Variants in CARMIL2 observed in about 807,000 individuals in gnomAD.
The protein encoded by CARMIL2 is capping protein, Arp2/3 and myosin-I linker protein 2.
A neutral mutation model predicts 173.3 loss-of-function variants in CARMIL2; 96 were observed. The observed-to-expected ratio is 0.55, with a 90% CI of 0.47 to 0.66. The LOEUF (loss-of-function observed/expected upper bound fraction) is 0.66. CARMIL2 is among the 30% of genes least tolerant of loss of function. The pLI, the probability that CARMIL2 is intolerant of heterozygous loss-of-function variation, is 0.00. For synonymous variants in CARMIL2, 830 were observed against 817.1 expected, an observed-to-expected ratio of 1.02 and a Z score of -0.27; for missense variants, 1,771 against 1,906.7, an observed-to-expected ratio of 0.93 and a Z score of 1.33.
chr16:67,654,938 G>A, intron 32 of CARMIL2, 38 bp downstream of exon 32: 3 of 1,610,376 alleles, frequency 1.9e-6, no homozygotes, highest in Non-Finnish European at 2.5e-6. Context: ...TGAGAGGGCA[G>A]ATGGCATGCT....
rs1234694058 is a variant in CARMIL2, at chr16:67,656,851, G to A, written c.4087G>A (p.Val1363Met). 4.5e-6 allele frequency: 7 copies of A among 1,550,432 alleles called. No individual in the cohort carries two copies. The highest frequency in any genetic ancestry group is 1.2e-5 in the South Asian group (1 of 84,064). ...PLSAGRRAVS[V>M]HEDQLQAPAE... ...CTCGGCAGGGCGGCGAGCAGTGTCTGTGCATGAGGACCAGCTCCAGGCCCC... is the reference window on the plus strand; with the variant it reads ...CTCGGCAGGGCGGCGAGCAGTGTCTATGCATGAGGACCAGCTCCAGGCCCC... The change falls in exon 36 of 38, where the codon GTG becomes ATG. Residue 1363 changes from valine (V) to methionine (M), a missense_variant. Val to Met is a conservative substitution (Grantham distance 21). Coordinates refer to ENST00000334583, the MANE Select transcript of CARMIL2 (RefSeq NM_001013838.3).
rs756712783 is a variant in CARMIL2 at position 67,647,377 on chromosome 16, A to G, written c.766A>G (p.Ser256Gly). ...HLEELVLETC[S>G]LRGDFVRRLA... ...GGAGGAGCTGGTGCTGGAGACCTGC[A>G]GCCTGAGGGGGTGAGGGGGACAGGG... The change falls in exon 10 of 38, where the codon AGC becomes GGC. Residue 256 changes from serine to glycine, a missense_variant. Ser to Gly is a moderately conservative substitution (Grantham distance 56). This residue lies in a region of CARMIL2 where 944 missense variants were observed against 975.6 expected (regional missense o/e 0.97). Coordinates refer to ENST00000334583, the MANE Select transcript of CARMIL2 (RefSeq NM_001013838.3). The G allele has an allele frequency of 1.3e-6, 2 of 1,578,190 alleles. No individual in the cohort carries two copies. The highest frequency in any genetic ancestry group is 3.7e-5 in the Admixed American group (2 of 53,748).
rs556584005 is a variant in CARMIL2, at chr16:67,645,345, A to T, written c.40+59A>T. The T allele has an allele frequency of 2.0e-4, 312 of 1,547,550 alleles. 1 individual carries two copies. The South Asian group carries it at 3.3e-3, about 16-fold the overall frequency. On this transcript the variant is annotated intron_variant, in intron 1 of 37. Transcript: ENST00000334583. The stretch of plus-strand genomic sequence containing the variant: ...GAGGAAGTAGTGCAGCCCCAAAATC[A>T]GAGGCCCACCCAGCGCCCCAGAGGG...
At position 67,652,994 on chromosome 16, in the gene CARMIL2, TG is replaced by T; in HGVS notation, c.2885-24del. On this transcript the variant is annotated intron_variant, in intron 28 of 37. Transcript: ENST00000334583. This position sits in a 1 kb window ranked among gnomAD's most constrained non-coding sequence, Gnocchi z 4.7. Reference sequence around the variant, plus strand: ...CCACCTCCCCGGGCTCGGCGCTCGGTGCTCTTCTGGTGCTGTCCCCTCAGGT... The same window carrying T: ...CCACCTCCCCGGGCTCGGCGCTCGGTCTCTTCTGGTGCTGTCCCCTCAGGT... The T allele has an allele frequency of 8.2e-7, 1 of 1,216,766 alleles. No homozygotes were observed. The highest frequency in any genetic ancestry group is 1.1e-6 in the Non-Finnish European group (1 of 943,370). 75.4% of individuals were successfully genotyped at this position (1,216,766 alleles called of 1,614,324 possible).
chr16:67,645,384 C>T (rs2052574454), intron 1 of CARMIL2, 98 bp downstream of exon 1: 2 of 1,422,024 alleles, frequency 1.4e-6, no homozygotes, highest in East Asian at 4.9e-5. Flanking sequence ...GGTCAGAGGT[C>T]CTCCCTGCTC....
chr16:67,655,327 G>A (rs2052820917), intron 32 of CARMIL2, among the ~76,000 whole-genome samples: 1 of 152,220 alleles, frequency 6.6e-6, no homozygotes, highest in Non-Finnish European at 1.5e-5. Flanking sequence ...AGCTACTTGG[G>A]AGGGTGAGGC....
chr16:67,653,790 TG>T lies in CARMIL2; in HGVS notation c.3121-354del, dbSNP rs1331081541. Among the ~76,000 whole-genome samples, 1 of 127,984 alleles carries T rather than the reference TG, an allele frequency of 7.8e-6. No individual in the cohort carries two copies. The highest frequency in any genetic ancestry group is 2.5e-4 in the East Asian group (1 of 4,048). The allele number at this position is 127,984 out of a possible 152,430, so 84.0% of individuals were successfully genotyped here. On this transcript the variant is annotated intron_variant, in intron 29 of 37. Coordinates refer to ENST00000334583, the MANE Select transcript of CARMIL2 (RefSeq NM_001013838.3). The surrounding 1 kb of genome is among the most constrained non-coding windows in gnomAD (Gnocchi z 7.4). ...CAGGCCGGGTGGAGTGGGGGTGGGG[TG>T]GGGGACACTGCAGGGAACTGTTCGG...
rs1045012224 is a variant in CARMIL2, at chr16:67,652,206, G to A, written c.2684G>A (p.Ser895Asn). The A allele has an allele frequency of 6.2e-7, 1 of 1,612,404 alleles. No individual in the cohort carries two copies. The highest frequency in any genetic ancestry group is 1.3e-5 in the African/African-American group (1 of 75,052). Residue 895 changes from serine to asparagine, a missense_variant, in exon 27 of 38, where the codon AGT becomes AAT. Physicochemically the swap from Ser to Asn is conservative, Grantham distance 46 (BLOSUM62 1). Around this residue, in one of 3 missense-constraint regions of CARMIL2, gnomAD observed 817 missense variants for 903.5 expected, o/e 0.90. Coordinates refer to ENST00000334583, the MANE Select transcript of CARMIL2 (RefSeq NM_001013838.3). This position sits in a 1 kb window ranked among gnomAD's most constrained non-coding sequence, Gnocchi z 4.7. Reference sequence around the variant, plus strand: ...GGCTGCTTGGTATTGCAGGTGGAGAGTCTGGCTCAGCAGGCAACAGTGACA... The same window carrying A: ...GGCTGCTTGGTATTGCAGGTGGAGAATCTGGCTCAGCAGGCAACAGTGACA... Reference protein sequence around the residue: ...LSAARDQLVESLAQQATVTMP... With the variant: ...LSAARDQLVENLAQQATVTMP...
At chr16:67,656,153 G>A (rs754703517) in intron 33 of CARMIL2, 75 bp from the exon 34 acceptor site, 41 of 1,609,996 alleles carry the variant, frequency 2.5e-5, no homozygotes, top group Admixed American at 3.3e-5. Flanking sequence ...TCCTTGGGGA[G>A]GAAGGGGAGA....
chr16:67,645,176 T>C lies in CARMIL2; in HGVS notation c.-71T>C, dbSNP rs1190662399. 7 of 1,293,176 alleles carry C rather than the reference T, an allele frequency of 5.4e-6. No individual in the cohort carries two copies. Among genetic ancestry groups the C allele is most frequent in the Non-Finnish European group, 7.6e-6 (7 of 925,324 alleles). The allele number at this position is 1,293,176 out of a possible 1,614,324, so 80.1% of individuals were successfully genotyped here. The stretch of plus-strand genomic sequence containing the variant: ...TGCCGTGCGGGTCTGGGCCCCAGGC[T>C]TCCTGTGTGCGCGCTCGTCCTCTGC... On this transcript the variant is annotated 5_prime_UTR_variant, in exon 1 of 38. Transcript: ENST00000334583.
intron 32 of CARMIL2, 111 bp from the exon 33 acceptor site, chr16:67,655,920 G>C (rs1399798027): frequency 1.5e-6 from 2 of 1,316,328 alleles, no homozygotes; most frequent in African/African-American, 2.9e-5. Context: ...CCATGTTCTT[G>C]TCCAGCCCAT....
rs983621386 is a variant in CARMIL2, at chr16:67,647,689, C to T, written c.881C>T (p.Ala294Val). ...GTTCCCACCCCCCAAGGCATGACTGCACTCAGCAGACACCTCGAGCGTTGT... is the reference window on the plus strand; with the variant it reads ...GTTCCCACCCCCCAAGGCATGACTGTACTCAGCAGACACCTCGAGCGTTGT... ...GNLLDDRGMT[A>V]LSRHLERCPG... The change falls in exon 12 of 38, where the codon GCA becomes GTA. Residue 294 changes from alanine (A) to valine (V), a missense_variant. Coordinates refer to ENST00000334583, the MANE Select transcript of CARMIL2 (RefSeq NM_001013838.3). 3.6e-5 allele frequency: 58 copies of T among 1,600,824 alleles called. No individual in the cohort carries two copies. The highest frequency in any genetic ancestry group is 4.6e-5 in the Non-Finnish European group (54 of 1,174,828).
At chr16:67,656,126 C>T (rs536827336) in intron 33 of CARMIL2, 59 bp downstream of exon 33, 4 of 1,610,552 alleles carry the variant, frequency 2.5e-6, no homozygotes, top group Admixed American at 1.7e-5. Context: ...TATAGACAGC[C>T]CCCAAGGCAC....
chr16:67,646,026 C>A lies in CARMIL2; in HGVS notation c.195C>A (p.Cys65Ter). ...HTTCLPLRVD[C>*]TFSYLEVQAM... The stretch of plus-strand genomic sequence containing the variant: ...ATCTAGGCCCTTTCTAGGTGGACTG[C>A]ACGTTCAGCTACCTGGAGGTCCAGG... The change falls in exon 4 of 38, where the codon TGC becomes TGA. Residue 65 changes from cysteine (C) to a stop codon, truncating the protein, a stop_gained. Transcript: ENST00000334583. LOFTEE classifies it high-confidence loss of function. The surrounding 1 kb of genome is among the most constrained non-coding windows in gnomAD (Gnocchi z 4.6). The A allele has an allele frequency of 1.2e-6, 2 of 1,613,772 alleles. No individual in the cohort carries two copies. The highest frequency in any genetic ancestry group is 1.7e-6 in the Non-Finnish European group (2 of 1,179,880).
At position 67,648,022 on chromosome 16, in the gene CARMIL2, C is replaced by A. The variant is rs1164714434; in HGVS notation, c.1072-30C>A. 4.4e-6 allele frequency: 7 copies of A among 1,608,246 alleles called. No homozygotes were observed. Among genetic ancestry groups the A allele is most frequent in the Middle Eastern group, 1.7e-4 (1 of 6,060 alleles). On this transcript the variant is annotated intron_variant, in intron 13 of 37. Transcript: ENST00000334583. The surrounding 1 kb of genome is among the most constrained non-coding windows in gnomAD (Gnocchi z 6.1). ...CATAAGCCCTGGGTAGGCGATCCCC[C>A]ACTCCATCGCACCCCTGTCCTCCCT...
rs2052735080 is a variant in CARMIL2 at position 67,652,041 on chromosome 16, A to G, written c.2676+33A>G. The G allele has an allele frequency of 6.2e-7, 1 of 1,609,634 alleles. No homozygotes were observed. Among genetic ancestry groups the G allele is most frequent in the Non-Finnish European group, 8.5e-7 (1 of 1,176,598 alleles). ...GGAGATGTGCACACACTTTCGTGCA[A>G]ACACACACATGCAGTGACTTGGCCA... On this transcript the variant is annotated intron_variant, in intron 26 of 37. Transcript: ENST00000334583. This position sits in a 1 kb window ranked among gnomAD's most constrained non-coding sequence, Gnocchi z 4.7.
chr16:67,656,716 C>T (rs2052865384), intron 35 of CARMIL2, 71 bp downstream of exon 35: 13 of 1,562,716 alleles, frequency 8.3e-6, no homozygotes, highest in Non-Finnish European at 1.1e-5. Context: ...GGGAACTCAG[C>T]TCCTCTAAGG....
In CARMIL2 at chr16:67,647,242, G is replaced by A. The variant is rs2052610355; in HGVS notation, c.687+51G>A. On this transcript the variant is annotated intron_variant, in intron 9 of 37. Coordinates refer to ENST00000334583, the MANE Select transcript of CARMIL2 (RefSeq NM_001013838.3). ...GGAGGGGCCAAGGGTGTGGGCCAGG[G>A]TGCAGCCCGCTGAGGGCCAGGGTGC... The A allele has an allele frequency of 3.1e-6, 5 of 1,611,822 alleles. No individual in the cohort carries two copies. The East Asian group carries it at 1.1e-4, about 36-fold the overall frequency.
chr16:67,649,308 TTG>T lies in CARMIL2; in HGVS notation c.1746+2_1746+3del. Reference sequence around the variant, plus strand: ...TTGTCCAGCTCATGCAGGACGACGATTGTGTGAGTTCACGGGACCTTGCAGGG... The same window carrying T: ...TTGTCCAGCTCATGCAGGACGACGATTGTGAGTTCACGGGACCTTGCAGGG... ...RIVQLMQDDD[C>X]PLQSLSVAES... On this transcript the variant is annotated frameshift_variant and splice_region_variant, in exon 19 of 38. Transcript: ENST00000334583. LOFTEE classifies it high-confidence loss of function. The surrounding 1 kb of genome is among the most constrained non-coding windows in gnomAD (Gnocchi z 6.7). The T allele has an allele frequency of 1.9e-6, 3 of 1,612,146 alleles. No homozygotes were observed. The highest frequency in any genetic ancestry group is 2.5e-6 in the Non-Finnish European group (3 of 1,179,636).
Sources: gnomAD v4.1 joint callset for allele counts (sites outside exome capture counted in the v4.1 genomes callset) on GRCh38, gnomAD v4.1.1 for gene constraint, gnomAD v4.1.1 regional missense constraint, Gnocchi (gnomAD v3.1) non-coding constraint, MANE v1.5 for transcripts, NCBI Gene and HGNC (gene_info 2026-07-23, HGNC 2026-07-21) for gene names.